SLC22A7: variants seen among roughly 807,000 people sequenced by gnomAD.
SLC22A7 encodes the protein solute carrier family 22 member 7.
A neutral mutation model predicts 62.2 loss-of-function variants in SLC22A7; 48 were observed. That is an observed-to-expected ratio of 0.77 (90% CI 0.61 to 0.98). The LOEUF (loss-of-function observed/expected upper bound fraction) is 0.98, where lower values mean the gene tolerates loss of function less well. Among genes scored for constraint, SLC22A7 ranks in the 50% least tolerant of loss-of-function variants. The pLI, the probability that SLC22A7 is intolerant of heterozygous loss-of-function variation, is 0.00. For missense variants in SLC22A7, 581 were observed against 703.8 expected, an observed-to-expected ratio of 0.83 and a Z score of 1.97; for synonymous variants, 276 against 314.8, an observed-to-expected ratio of 0.88 and a Z score of 1.30.
rs1367836464 is a variant in SLC22A7, at chr6:43,304,079, G to T, written c.1427G>T (p.Gly476Val). The change falls in exon 10 of 11, where the codon GGG becomes GTG. Residue 476 changes from glycine (G) to valine (V), a missense_variant. Gly to Val is a moderately radical substitution (Grantham distance 109). Coordinates refer to ENST00000372585, the MANE Select transcript of SLC22A7 (RefSeq NM_153320.2). ...CTGACTGCACTGGTGGGCCGGCTGG[G>T]GGGCTCTTTGGCCCCACTGGCGGCC... Reference protein sequence around the residue: ...MGLTALVGRLGGSLAPLAALL... With the variant: ...MGLTALVGRLVGSLAPLAALL... The T allele has an allele frequency of 6.3e-7, 1 of 1,595,622 alleles. No individual in the cohort carries two copies. Among genetic ancestry groups the T allele is most frequent in the South Asian group, 1.1e-5 (1 of 88,368 alleles).
intron 9 of SLC22A7, 36 bp from the exon 10 acceptor site, chr6:43,304,002 C>A (rs748853711): frequency 6.8e-7 from 1 of 1,468,536 alleles, no homozygotes; most frequent in African/African-American, 1.4e-5. Flanking sequence ...TAGGTGTGAA[C>A]ACCATCTGCC....
At chr6:43,298,247 C>G, upstream of SLC22A7, 1 of 973,132 alleles carries the variant, frequency 1.0e-6, no homozygotes, top group Non-Finnish European at 1.5e-6. Flanking sequence ...GCTGCAGGCT[C>G]TCCAGTCCAT....
chr6:43,302,329 G>A lies in SLC22A7; in HGVS notation c.1191G>A (p.Val397=). 43 of 1,613,598 alleles carry A rather than the reference G, an allele frequency of 2.7e-5. No individual in the cohort carries two copies. Among genetic ancestry groups the A allele is most frequent in the Non-Finnish European group, 3.6e-5 (42 of 1,179,996 alleles). The change falls in exon 8 of 11, where the codon GTG becomes GTA. Residue 397 remains valine, a synonymous_variant. Transcript: ENST00000372585. The surrounding 1 kb of genome is among the most constrained non-coding windows in gnomAD (Gnocchi z 5.0). The part of the protein sequence containing the change: ...LPSKLLVYLS[V]RYAGRRLTQA... ...CCAAGCTGCTGGTCTACTTGTCGGTGCGCTACGCAGGACGCCGCCTCACGC... is the reference window on the plus strand; with the variant it reads ...CCAAGCTGCTGGTCTACTTGTCGGTACGCTACGCAGGACGCCGCCTCACGC...
intron 9 of SLC22A7, chr6:43,303,304 T>C (rs1393022110): frequency 4.0e-6 from 1 of 249,702 alleles, no homozygotes; most frequent in Non-Finnish European, 6.3e-6. Flanking sequence ...CTGCTAAACA[T>C]ACAAAATTAG....
In SLC22A7 at chr6:43,302,567, G is replaced by A; in HGVS notation, c.1277-88G>A. ...CTCAGACTCTCCACCACTTAAGTTT[G>A]GCCCACTCTGGAGACTCCGCACCCT... On this transcript the variant is annotated intron_variant, in intron 8 of 10. Coordinates refer to ENST00000372585, the MANE Select transcript of SLC22A7 (RefSeq NM_153320.2). This position sits in a 1 kb window ranked among gnomAD's most constrained non-coding sequence, Gnocchi z 5.0. 4 of 1,210,016 alleles carry A rather than the reference G, an allele frequency of 3.3e-6. No individual in the cohort carries two copies. The highest frequency in any genetic ancestry group is 2.8e-4 in the Middle Eastern group (1 of 3,570). 75.0% of individuals were successfully genotyped at this position (1,210,016 alleles called of 1,614,324 possible).
chr6:43,304,495 C>T, intron 10 of SLC22A7, 176 bp from the exon 11 acceptor site: 1 of 607,436 alleles, frequency 1.6e-6, no homozygotes. Context: ...TGTATGTGTG[C>T]ACACTCAAGT....
In SLC22A7 at chr6:43,299,874, T is replaced by C; in HGVS notation, c.659-24T>C. ...GCCCATCTGGTCCTCACTAACCATC[T>C]TCCTGTCTCCTGTCCTGGCCCAGAG... On this transcript the variant is annotated intron_variant, in intron 4 of 10. Coordinates refer to ENST00000372585, the MANE Select transcript of SLC22A7 (RefSeq NM_153320.2). The surrounding 1 kb of genome is among the most constrained non-coding windows in gnomAD (Gnocchi z 4.4). 6.2e-7 allele frequency: 1 copy of C among 1,614,210 alleles called. No homozygotes were observed. The highest frequency in any genetic ancestry group is 8.5e-7 in the Non-Finnish European group (1 of 1,180,030).
At chr6:43,304,505 T>C in intron 10 of SLC22A7, 166 bp from the exon 11 acceptor site, 1 of 621,106 alleles carries the variant, frequency 1.6e-6, no homozygotes, top group Non-Finnish European at 2.9e-6. Context: ...CACACTCAAG[T>C]ATGCCTACAC....
In SLC22A7 at chr6:43,304,575, A is replaced by G. The variant is rs1331698557; in HGVS notation, c.1593-96A>G. ...TTGTACAGGCGTTTGTATACCAGGA[A>G]CTGGGGTGAGCCCTGGGACAGCCCT... On this transcript the variant is annotated intron_variant, in intron 10 of 10. Coordinates refer to ENST00000372585, the MANE Select transcript of SLC22A7 (RefSeq NM_153320.2). 5.8e-6 allele frequency: 6 copies of G among 1,036,900 alleles called. No individual in the cohort carries two copies. In the East Asian group the frequency reaches 1.5e-4, roughly 26 times the overall value. The allele number at this position is 1,036,900 out of a possible 1,614,324, so 64.2% of individuals were successfully genotyped here.
In SLC22A7 at chr6:43,304,072, C is replaced by T. The variant is rs542524365; in HGVS notation, c.1420C>T (p.Arg474Trp). Residue 474 changes from arginine (R) to tryptophan (W), a missense_variant, in exon 10 of 11, where the codon CGG becomes TGG. By Grantham distance (101) the Arg-to-Trp change is moderately radical. Coordinates refer to ENST00000372585, the MANE Select transcript of SLC22A7 (RefSeq NM_153320.2). Reference protein sequence around the residue: ...TGMGLTALVGRLGGSLAPLAA... With the variant: ...TGMGLTALVGWLGGSLAPLAA... ...GATGGGGCTGACTGCACTGGTGGGC[C>T]GGCTGGGGGGCTCTTTGGCCCCACT... 9.4e-6 allele frequency: 15 copies of T among 1,589,664 alleles called. No individual in the cohort carries two copies. Among genetic ancestry groups the T allele is most frequent in the African/African-American group, 2.7e-5 (2 of 74,442 alleles).
rs1020159660 is a variant in SLC22A7 at position 43,302,852 on chromosome 6, G to A, written c.1385+89G>A. 27 of 847,486 alleles carry A rather than the reference G, an allele frequency of 3.2e-5. No homozygotes were observed. The South Asian group carries it at 4.4e-4, about 14-fold the overall frequency. The allele number at this position is 847,486 out of a possible 1,614,324, so 52.5% of individuals were successfully genotyped here. ...TTCTACATACACGCACCACAACCTG[G>A]TCTCTCACTCATTTTTTTTTTAATT... On this transcript the variant is annotated intron_variant, in intron 9 of 10. Coordinates refer to ENST00000372585, the MANE Select transcript of SLC22A7 (RefSeq NM_153320.2). This position sits in a 1 kb window ranked among gnomAD's most constrained non-coding sequence, Gnocchi z 5.0.
intron 7 of SLC22A7, among the ~76,000 whole-genome samples, chr6:43,301,925 AC>A (rs887905518): frequency 6.6e-6 from 1 of 152,104 alleles, no homozygotes; most frequent in African/African-American, 2.4e-5. Flanking sequence ...GGGACAGATG[AC>A]TTAGCCACTC....
upstream of SLC22A7, among the ~76,000 whole-genome samples, chr6:43,296,636 G>A (rs1328056165): frequency 6.6e-6 from 1 of 152,224 alleles, no homozygotes; most frequent in East Asian, 1.9e-4. Flanking sequence ...GGTGAATGAG[G>A]AGGAAGCCAC....
chr6:43,302,220 A>C lies in SLC22A7; in HGVS notation c.1082A>C (p.Tyr361Ser). 3.8e-6 allele frequency: 6 copies of C among 1,592,470 alleles called. No individual in the cohort carries two copies. The highest frequency in any genetic ancestry group is 5.1e-6 in the Non-Finnish European group (6 of 1,166,168). ...TTCAGGTTCGGAGTGAACTTCTCCTATTACGGCCTGAGTCTGGATGTGTCG... is the reference window on the plus strand; with the variant it reads ...TTCAGGTTCGGAGTGAACTTCTCCTCTTACGGCCTGAGTCTGGATGTGTCG... The part of the protein sequence containing the change: ...VVVWFGVNFS[Y>S]YGLSLDVSGL... Residue 361 changes from tyrosine to serine, a missense_variant, in exon 8 of 11, where the codon TAT becomes TCT. Tyr to Ser is a moderately radical substitution (Grantham distance 144). Coordinates refer to ENST00000372585, the MANE Select transcript of SLC22A7 (RefSeq NM_153320.2). The surrounding 1 kb of genome is among the most constrained non-coding windows in gnomAD (Gnocchi z 5.0).
At position 43,299,769 on chromosome 6, in the gene SLC22A7, G is replaced by A. The variant is rs775129520; in HGVS notation, c.646G>A (p.Val216Met). The stretch of plus-strand genomic sequence containing the variant: ...AGCCCTGGCTGGTTTTACCATCATC[G>A]TGATGCCACTGGGTGAGGCAGGCAA... ...GSALAGFTII[V>M]MPLELEWLDV... Residue 216 changes from valine (V) to methionine (M), a missense_variant, in exon 4 of 11, where the codon GTG (valine) becomes ATG (methionine). Transcript: ENST00000372585. This position sits in a 1 kb window ranked among gnomAD's most constrained non-coding sequence, Gnocchi z 4.4. The A allele has an allele frequency of 2.5e-6, 4 of 1,614,070 alleles. No individual in the cohort carries two copies. The highest frequency in any genetic ancestry group is 2.7e-5 in the African/African-American group (2 of 74,906).
At position 43,302,511 on chromosome 6, in the gene SLC22A7, CT is replaced by C; in HGVS notation, c.1276+98del. On this transcript the variant is annotated intron_variant, in intron 8 of 10. Transcript: ENST00000372585. This position sits in a 1 kb window ranked among gnomAD's most constrained non-coding sequence, Gnocchi z 5.0. Reference sequence around the variant, plus strand: ...CCACCTCCTGGCCAAGAACCCACTCCTCCCCCAGATCCCTGCTCTTACCCAG... The same window carrying C: ...CCACCTCCTGGCCAAGAACCCACTCCCCCCCAGATCCCTGCTCTTACCCAG... 1 of 1,243,128 alleles carries C rather than the reference CT, an allele frequency of 8.0e-7. No individual in the cohort carries two copies. Among genetic ancestry groups the C allele is most frequent in the Non-Finnish European group, 1.1e-6 (1 of 897,398 alleles). The allele number at this position is 1,243,128 out of a possible 1,614,324, so 77.0% of individuals were successfully genotyped here.
At position 43,299,360 on chromosome 6, in the gene SLC22A7, T is replaced by C. The variant is rs190037407; in HGVS notation, c.400-30T>C. The C allele has an allele frequency of 1.6e-5, 25 of 1,612,742 alleles. No homozygotes were observed. Among genetic ancestry groups the C allele is most frequent in the African/African-American group, 1.2e-4 (9 of 74,994 alleles). On this transcript the variant is annotated intron_variant, in intron 2 of 10. Coordinates refer to ENST00000372585, the MANE Select transcript of SLC22A7 (RefSeq NM_153320.2). This position sits in a 1 kb window ranked among gnomAD's most constrained non-coding sequence, Gnocchi z 4.4. ...CCTGCTGGAGAGGGGCTGATGTTCA[T>C]AGGAGGTCCCTTTCTGCCTGTCCTT...
chr6:43,303,068 C>T (rs1261185061), intron 9 of SLC22A7: 1 of 963,924 alleles, frequency 1.0e-6, no homozygotes, highest in African/African-American at 1.8e-5. Flanking sequence ...AATCAGGGCC[C>T]TCTGTGTTTG....
upstream of SLC22A7, among the ~76,000 whole-genome samples, chr6:43,297,307 C>T (rs1294288058): frequency 3.9e-5 from 6 of 152,110 alleles, no homozygotes; most frequent in Non-Finnish European, 5.9e-5. Context: ...CCAGCAGGTC[C>T]CCTCCCTGTC....
Sources: allele counts gnomAD v4.1 joint callset (sites outside exome capture counted in the v4.1 genomes callset), GRCh38; gene constraint gnomAD v4.1.1; non-coding constraint Gnocchi (gnomAD v3.1); transcripts MANE v1.5; gene names NCBI Gene and HGNC (gene_info 2026-07-23, HGNC 2026-07-21).